DCDC2: variants seen among roughly 807,000 people sequenced by gnomAD.
DCDC2 encodes doublecortin domain containing 2, also known as doublecortin domain-containing protein 2.
Under a neutral mutation model 50.2 loss-of-function variants are expected in DCDC2, and 40 were observed. The observed-to-expected ratio is 0.80, with a 90% CI of 0.62 to 1.04. The LOEUF (loss-of-function observed/expected upper bound fraction) is 1.04. Ranked by LOEUF, DCDC2 falls within the 50% of genes least tolerant of loss-of-function variation. The pLI is 0.00. For synonymous variants in DCDC2, 234 were observed against 210.6 expected (o/e 1.11, Z -0.96); for missense variants, 570 against 581.9 (o/e 0.98, Z 0.21).
At chr6:24,334,239 T>C (rs1760017127) in intron 2 of DCDC2, among the ~76,000 whole-genome samples, 1 of 152,216 alleles carries the variant, frequency 6.6e-6, no homozygotes, top group Non-Finnish European at 1.5e-5. Flanking sequence ...AACAAAGGTA[T>C]TGTTCTTTTA....
At chr6:24,370,737 C>T in the DCDC2 span, among the ~76,000 whole-genome samples, 6 of 152,070 alleles carry the variant, frequency 3.9e-5, no homozygotes, top group Middle Eastern at 3.4e-3. Context: ...AACGTAGATT[C>T]GCATACAAAA....
At chr6:24,176,596 C>G (rs542924594) in intron 9 of DCDC2, among the ~76,000 whole-genome samples, 1 of 152,194 alleles carries the variant, frequency 6.6e-6, no homozygotes, top group African/African-American at 2.4e-5. Context: ...ATACACCTTA[C>G]CTCACATACT....
intron 1 of DCDC2, among the ~76,000 whole-genome samples, chr6:24,354,035 C>T (rs1474411571): frequency 6.6e-6 from 1 of 152,086 alleles, no homozygotes; most frequent in African/African-American, 2.4e-5. Flanking sequence ...AGGGTAACAA[C>T]TGGGAAAGGC....
chr6:24,188,360 A>C (rs181981725), intron 8 of DCDC2, among the ~76,000 whole-genome samples: 25 of 152,344 alleles, frequency 1.6e-4, no homozygotes, highest in Non-Finnish European at 2.9e-4. Context: ...TTTTATCTTA[A>C]AAGTTACCAA....
chr6:24,263,186 T>G (rs1162292960), intron 7 of DCDC2, among the ~76,000 whole-genome samples: 1 of 152,222 alleles, frequency 6.6e-6, no homozygotes, highest in African/African-American at 2.4e-5. Flanking sequence ...TGCCCCCTAA[T>G]GCAGATGCAG....
At chr6:24,304,680 C>T (rs758021854) in intron 2 of DCDC2, among the ~76,000 whole-genome samples, 11 of 152,168 alleles carry the variant, frequency 7.2e-5, no homozygotes, top group Non-Finnish European at 1.6e-4. Flanking sequence ...ATGTACATAG[C>T]ACATACATAC....
At chr6:24,188,710 T>A (rs1220154702) in intron 8 of DCDC2, among the ~76,000 whole-genome samples, 2 of 152,186 alleles carry the variant, frequency 1.3e-5, no homozygotes, top group Non-Finnish European at 2.9e-5. Flanking sequence ...AGCTCATGCC[T>A]ATGAGTAATT....
intron 2 of DCDC2, among the ~76,000 whole-genome samples, chr6:24,331,222 T>C (rs1313207449): frequency 1.3e-5 from 2 of 152,164 alleles, no homozygotes; most frequent in Non-Finnish European, 2.9e-5. Flanking sequence ...TTAAAGTGCA[T>C]TGAGCCATTG....
intron 4 of DCDC2, among the ~76,000 whole-genome samples, chr6:24,296,414 C>T (rs945073683): frequency 1.3e-5 from 2 of 152,104 alleles, no homozygotes; most frequent in African/African-American, 4.8e-5. Context: ...GGCAAAGGAA[C>T]TGGTAAAGAT....
At chr6:24,179,633 T>C (rs1013348267) in intron 8 of DCDC2, among the ~76,000 whole-genome samples, 13 of 150,610 alleles carry the variant, frequency 8.6e-5, no homozygotes, top group Non-Finnish European at 1.9e-4. Flanking sequence ...GTTCTACTGT[T>C]ATTTTGATAC....
chr6:24,267,390 C>T (rs908810058), intron 7 of DCDC2, among the ~76,000 whole-genome samples: 6 of 152,066 alleles, frequency 3.9e-5, no homozygotes, highest in Admixed American at 2.6e-4. Flanking sequence ...GAATTATATG[C>T]CTGTATCGAA....
chr6:24,261,605 A>C (rs1763011320), intron 7 of DCDC2, among the ~76,000 whole-genome samples: 1 of 152,166 alleles, frequency 6.6e-6, no homozygotes, highest in South Asian at 2.1e-4. Context: ...AGAGGGTCCC[A>C]GCAGGACTGA....
At chr6:24,315,172 C>T (rs199581232) in intron 2 of DCDC2, among the ~76,000 whole-genome samples, 2 of 143,860 alleles carry the variant, frequency 1.4e-5, no homozygotes, top group East Asian at 2.0e-4. Flanking sequence ...TTGATCTTTG[C>T]TTTTTTTTTT....
chr6:24,219,440 AG>A (rs1762051636), intron 7 of DCDC2, among the ~76,000 whole-genome samples: 1 of 152,246 alleles, frequency 6.6e-6, no homozygotes, highest in Non-Finnish European at 1.5e-5. Context: ...TGGTAGAAGC[AG>A]GACTCTAATA....
intron 7 of DCDC2, among the ~76,000 whole-genome samples, chr6:24,231,297 C>G (rs1275671455): frequency 6.6e-6 from 1 of 152,150 alleles, no homozygotes; most frequent in African/African-American, 2.4e-5. Context: ...CCCCCATCAC[C>G]AAGAGGACTC....
intron 7 of DCDC2, among the ~76,000 whole-genome samples, chr6:24,237,016 A>G (rs1022282299): frequency 6.6e-6 from 1 of 151,928 alleles, no homozygotes; most frequent in Non-Finnish European, 1.5e-5. Context: ...ACTCAAAAAA[A>G]AAAAGAAGAA....
At chr6:24,266,484 T>C (rs1046756146) in intron 7 of DCDC2, among the ~76,000 whole-genome samples, 3 of 152,098 alleles carry the variant, frequency 2.0e-5, no homozygotes, top group Admixed American at 6.5e-5. Context: ...AAAAATCTAA[T>C]ACTCTAATTT....
chr6:24,348,394 G>T (rs1243748385), intron 2 of DCDC2, among the ~76,000 whole-genome samples: 3 of 152,224 alleles, frequency 2.0e-5, no homozygotes, highest in Non-Finnish European at 2.9e-5. Context: ...AGCATCAGCA[G>T]TAAGAAAGCA....
chr6:24,338,875 C>A (rs910539260), intron 2 of DCDC2, among the ~76,000 whole-genome samples: 12 of 152,098 alleles, frequency 7.9e-5, no homozygotes, highest in Non-Finnish European at 1.3e-4. Context: ...AACTCCTGAC[C>A]TCAGGTGATC....
Sources: gnomAD v4.1 joint callset for allele counts (sites outside exome capture counted in the v4.1 genomes callset) on GRCh38, gnomAD v4.1.1 for gene constraint, MANE v1.5 for transcripts, NCBI Gene and HGNC (gene_info 2026-07-23, HGNC 2026-07-21) for gene names.